The following RANBP10 variants were observed in gnomAD, a reference collection of about 807,000 sequenced individuals.
The protein encoded by RANBP10 is RAN binding protein 10, also known as ran-binding protein 10.
A neutral mutation model predicts 72.8 loss-of-function variants in RANBP10; 24 were observed. The observed-to-expected ratio is 0.33, with a 90% CI of 0.24 to 0.46. RANBP10 has a LOEUF of 0.46. Ranked by LOEUF, RANBP10 falls within the 20% of genes least tolerant of loss-of-function variation. The probability of loss-of-function intolerance (pLI) is 1.00; values close to 1 mark genes in which losing one functional copy is unlikely to be tolerated. For synonymous variants in RANBP10, 310 were observed against 322.3 expected (o/e 0.96, Z 0.41); for missense variants, 679 against 817.5 (o/e 0.83, Z 2.07).
At chr16:67,787,111 T>C (rs766923520) in intron 2 of RANBP10, among the ~76,000 whole-genome samples, 1 of 151,442 alleles carries the variant, frequency 6.6e-6, no homozygotes, top group Middle Eastern at 3.5e-3. Flanking sequence ...TGGTGGCACA[T>C]GCCTGTGATC....
At chr16:67,727,201 G>A (rs987850132) in intron 13 of RANBP10, 126 bp downstream of exon 13, 36 of 906,444 alleles carry the variant, frequency 4.0e-5, no homozygotes, top group Non-Finnish European at 5.4e-5. Flanking sequence ...GCTGAGGCAC[G>A]AAAATTGCTT....
chr16:67,805,389 T>C (rs1200575183), intron 2 of RANBP10, 39 bp downstream of exon 2: 2 of 1,567,356 alleles, frequency 1.3e-6, no homozygotes, highest in African/African-American at 1.4e-5. Flanking sequence ...AGGGATCAGC[T>C]CCATGATCAG....
chr16:67,744,131 T>C, intron 4 of RANBP10, 157 bp downstream of exon 4: 1 of 1,432,468 alleles, frequency 7.0e-7, no homozygotes, highest in Non-Finnish European at 9.2e-7. Context: ...GTGCCCCTGC[T>C]ACCCTCTATT....
At chr16:67,800,276 G>C (rs985851983) in intron 2 of RANBP10, among the ~76,000 whole-genome samples, 3 of 152,228 alleles carry the variant, frequency 2.0e-5, no homozygotes, top group Non-Finnish European at 4.4e-5. Context: ...CCTGCTCTGG[G>C]CCTGGGCCCA....
At chr16:67,788,271 G>C (rs1000427931) in intron 2 of RANBP10, among the ~76,000 whole-genome samples, 1 of 149,298 alleles carries the variant, frequency 6.7e-6, no homozygotes, top group Admixed American at 6.7e-5. Flanking sequence ...TTTTTCTTTT[G>C]AGACAGAGTC....
chr16:67,767,361 G>C (rs912641159), intron 3 of RANBP10, among the ~76,000 whole-genome samples: 3 of 150,268 alleles, frequency 2.0e-5, no homozygotes, highest in Non-Finnish European at 4.4e-5. Flanking sequence ...GGAGGCTGAG[G>C]CAGGAAGATC....
At chr16:67,769,745 C>CAA (rs58319144) in intron 3 of RANBP10, among the ~76,000 whole-genome samples, 666 of 27,712 alleles carry the variant, frequency 0.024, 56 homozygotes, top group East Asian at 0.043. Context: ...GACTCCGTCT[C>CAA]AAAAAAAAAA....
chr16:67,795,915 A>AT (rs987432243), intron 2 of RANBP10, among the ~76,000 whole-genome samples: 4,855 of 134,220 alleles, frequency 0.036, 101 homozygotes, highest in Middle Eastern at 0.12. Flanking sequence ...AAATATTTTG[A>AT]TTTTTTTTTT....
chr16:67,736,612 C>G (rs950056945), intron 5 of RANBP10, among the ~76,000 whole-genome samples: 2 of 152,216 alleles, frequency 1.3e-5, no homozygotes, highest in Admixed American at 6.5e-5. Context: ...CTCCAGCAAG[C>G]CTTCCTGACC....
At chr16:67,787,905 C>T (rs530134870) in intron 2 of RANBP10, among the ~76,000 whole-genome samples, 88 of 152,190 alleles carry the variant, frequency 5.8e-4, no homozygotes, top group Non-Finnish European at 8.4e-4. Flanking sequence ...GTGGTGCGAT[C>T]TTGGCTCACT....
chr16:67,772,994 G>C (rs759827914), intron 2 of RANBP10, among the ~76,000 whole-genome samples: 1 of 152,158 alleles, frequency 6.6e-6, no homozygotes, highest in Non-Finnish European at 1.5e-5. Context: ...TAGTGGGAAG[G>C]GATGATTGTA....
At chr16:67,804,055 G>A (rs2055286427) in intron 2 of RANBP10, among the ~76,000 whole-genome samples, 1 of 151,946 alleles carries the variant, frequency 6.6e-6, no homozygotes, top group South Asian at 2.1e-4. Flanking sequence ...CTCTGACTCT[G>A]GCAGTGTTGC....
intron 4 of RANBP10, among the ~76,000 whole-genome samples, chr16:67,739,656 C>T (rs1286189376): frequency 1.3e-5 from 2 of 152,130 alleles, no homozygotes; most frequent in East Asian, 3.9e-4. Context: ...GTCCCAGCGA[C>T]TTGGGAGGCT....
In RANBP10 at chr16:67,728,372, C is replaced by A. The variant is rs200752230; in HGVS notation, c.1474+18G>T. 3 of 1,612,494 alleles carry A rather than the reference C, an allele frequency of 1.9e-6. No individual in the cohort carries two copies. The highest frequency in any genetic ancestry group is 2.5e-6 in the Non-Finnish European group (3 of 1,178,686). ...CACACTGCCCTCAAAGAATAGCACA[C>A]CGGGCCGTGGCTCTCACCCATGCTG... On this transcript the variant is annotated intron_variant, in intron 11 of 13. Transcript: ENST00000317506.
intron 2 of RANBP10, among the ~76,000 whole-genome samples, chr16:67,785,888 T>C (rs958217770): frequency 5.3e-5 from 8 of 151,418 alleles, no homozygotes; most frequent in African/African-American, 1.9e-4. Context: ...TAGCCGAGCA[T>C]GGTGGCAGGC....
At chr16:67,749,516 T>C (rs571125565) in intron 3 of RANBP10, among the ~76,000 whole-genome samples, 1 of 152,260 alleles carries the variant, frequency 6.6e-6, no homozygotes, top group Admixed American at 6.5e-5. Context: ...ATTCTCACCT[T>C]CTGAATTCCC....
At position 67,805,425 on chromosome 16, in the gene RANBP10, T is replaced by G. The variant is rs2055358165; in HGVS notation, c.347+3A>C. On this transcript the variant is annotated splice_donor_region_variant and intron_variant, in intron 2 of 13. Coordinates refer to ENST00000317506, the MANE Select transcript of RANBP10 (RefSeq NM_020850.3). Reference sequence around the variant, plus strand: ...GGAAAGAGGGTGGTCATGAAGGGCTTACCCATCTCTTCCTTTGCTGACAAT... The same window carrying G: ...GGAAAGAGGGTGGTCATGAAGGGCTGACCCATCTCTTCCTTTGCTGACAAT... The G allele has an allele frequency of 1.9e-6, 3 of 1,612,196 alleles. No individual in the cohort carries two copies. Among genetic ancestry groups the G allele is most frequent in the Non-Finnish European group, 2.5e-6 (3 of 1,178,670 alleles).
intron 3 of RANBP10, among the ~76,000 whole-genome samples, chr16:67,763,905 C>T (rs556994144): frequency 1.3e-5 from 2 of 152,280 alleles, no homozygotes; most frequent in South Asian, 4.1e-4. Flanking sequence ...CCATGTTGGC[C>T]AGGCTAGTCT....
intron 3 of RANBP10, among the ~76,000 whole-genome samples, chr16:67,754,187 G>A (rs942629084): frequency 4.6e-5 from 7 of 151,698 alleles, no homozygotes; most frequent in South Asian, 4.2e-4. Flanking sequence ...CAGGCCCTTC[G>A]GAAGTGCTAA....
Sources: gnomAD v4.1 joint callset for allele counts (sites outside exome capture counted in the v4.1 genomes callset) on GRCh38, gnomAD v4.1.1 for gene constraint, MANE v1.5 for transcripts, NCBI Gene and HGNC (gene_info 2026-07-23, HGNC 2026-07-21) for gene names.